The following PACRG variants were observed in gnomAD, a reference collection of about 807,000 sequenced individuals.
PACRG encodes parkin coregulated.
A neutral mutation model predicts 29.7 loss-of-function variants in PACRG; 29 were observed. The ratio of observed to expected loss-of-function variants is 0.98; its 90% CI spans 0.73 to 1.33. PACRG has a LOEUF of 1.33. Ranked by LOEUF, PACRG falls within the 40% of genes most tolerant of loss-of-function variation. The pLI is 0.00. For missense variants in PACRG, 279 were observed against 316.2 expected, an observed-to-expected ratio of 0.88 and a Z score of 0.89; for synonymous variants, 116 against 118.7, an observed-to-expected ratio of 0.98 and a Z score of 0.15.
intron 4 of PACRG, among the ~76,000 whole-genome samples, chr6:163,221,465 A>C (rs921038190): frequency 6.6e-6 from 1 of 152,186 alleles, no homozygotes; most frequent in African/African-American, 2.4e-5. Context: ...TTACTCTTTG[A>C]TTAATTTCAC....
chr6:163,254,040 C>T (rs749523547), intron 4 of PACRG, among the ~76,000 whole-genome samples: 2 of 152,028 alleles, frequency 1.3e-5, no homozygotes, highest in Admixed American at 6.5e-5. Flanking sequence ...AGGGCAGAAG[C>T]GGAGGGCCAG....
At chr6:162,761,986 CA>C (rs1243463652) in intron 1 of PACRG, among the ~76,000 whole-genome samples, 1 of 127,660 alleles carries the variant, frequency 7.8e-6, no homozygotes, top group Non-Finnish European at 1.6e-5. Context: ...CCCTGAGTGA[CA>C]CTAAATTTAC....
At chr6:162,896,248 G>T (rs1795155650) in intron 2 of PACRG, among the ~76,000 whole-genome samples, 1 of 152,328 alleles carries the variant, frequency 6.6e-6, no homozygotes, top group East Asian at 1.9e-4. Context: ...CTTCACTCCA[G>T]CACATTCTCC....
At chr6:163,256,792 T>C (rs1239433719) in intron 4 of PACRG, among the ~76,000 whole-genome samples, 1 of 152,178 alleles carries the variant, frequency 6.6e-6, no homozygotes, top group Admixed American at 6.5e-5. Flanking sequence ...CTGGGGATGC[T>C]GTAACTAATG....
intron 1 of PACRG, among the ~76,000 whole-genome samples, chr6:162,806,811 G>T (rs1430734368): frequency 6.6e-6 from 1 of 152,194 alleles, no homozygotes; most frequent in African/African-American, 2.4e-5. Context: ...CCTAACAAGA[G>T]AGTCAGCCTG....
intron 2 of PACRG, among the ~76,000 whole-genome samples, chr6:162,830,466 T>A (rs919496258): frequency 6.6e-6 from 1 of 152,226 alleles, no homozygotes; most frequent in Non-Finnish European, 1.5e-5. Flanking sequence ...CAACTTCCCC[T>A]CTTCAGGGCT....
intron 4 of PACRG, among the ~76,000 whole-genome samples, chr6:163,117,207 C>T (rs892400524): frequency 6.6e-6 from 1 of 152,200 alleles, no homozygotes; most frequent in Non-Finnish European, 1.5e-5. Context: ...GAAAGAGCAT[C>T]ACAGTGGAAC....
intron 2 of PACRG, among the ~76,000 whole-genome samples, chr6:162,878,130 T>C (rs1231845782): frequency 6.6e-6 from 1 of 152,162 alleles, no homozygotes; most frequent in Admixed American, 6.5e-5. Context: ...ATTAGGGGAA[T>C]TGGAATAATA....
intron 4 of PACRG, among the ~76,000 whole-genome samples, chr6:163,220,762 T>G (rs539919050): frequency 2.0e-5 from 3 of 152,350 alleles, no homozygotes; most frequent in African/African-American, 7.2e-5. Context: ...GTATATGGAA[T>G]GTCTAATCAT....
chr6:163,277,089 T>C (rs1784054927), intron 4 of PACRG, among the ~76,000 whole-genome samples: 1 of 152,194 alleles, frequency 6.6e-6, no homozygotes. Context: ...TCTTTCATCA[T>C]TTTATTTAAT....
At chr6:163,119,444 G>A (rs1018245370) in intron 4 of PACRG, among the ~76,000 whole-genome samples, 5 of 152,194 alleles carry the variant, frequency 3.3e-5, no homozygotes, top group African/African-American at 7.2e-5. Flanking sequence ...TTCCTGGCAC[G>A]ATGATCAAGT....
At chr6:162,768,636 T>C (rs1275854342) in intron 1 of PACRG, among the ~76,000 whole-genome samples, 1 of 152,134 alleles carries the variant, frequency 6.6e-6, no homozygotes, top group African/African-American at 2.4e-5. Context: ...TTCAGCTATA[T>C]TTTCTATATT....
Position 163,101,086 on chromosome 6 carries a change from T to TA in PACRG, c.613+11683dup, listed in dbSNP as rs1249832050. On this transcript the variant is annotated intron_variant, in intron 4 of 4. Transcript: ENST00000366888. The stretch of plus-strand genomic sequence containing the variant: ...TTTTGAGGCGGTCATACAATGAAAT[T>TA]AAAAATCATTCTCCATTCAGTGACT... The TA allele has an allele frequency of 3.1e-6, 3 of 981,166 alleles. No individual in the cohort carries two copies. In the African/African-American group the frequency reaches 5.3e-5, roughly 17 times the overall value. 60.8% of individuals were successfully genotyped at this position (981,166 alleles called of 1,614,324 possible).
At chr6:163,272,188 G>A (rs550471904) in intron 4 of PACRG, among the ~76,000 whole-genome samples, 8 of 152,026 alleles carry the variant, frequency 5.3e-5, no homozygotes, top group Admixed American at 2.0e-4. Context: ...ACAGGCATGC[G>A]CCACCATGCC....
At chr6:163,002,278 CT>C (rs1425009866) in intron 2 of PACRG, among the ~76,000 whole-genome samples, 4 of 152,166 alleles carry the variant, frequency 2.6e-5, no homozygotes, top group African/African-American at 9.7e-5. Context: ...TTCCAATTTG[CT>C]GACCATCACA....
intron 4 of PACRG, among the ~76,000 whole-genome samples, chr6:163,100,069 G>C (rs1814955709): frequency 6.6e-6 from 1 of 152,060 alleles, no homozygotes; most frequent in African/African-American, 2.4e-5. Context: ...GGGCGGGAGT[G>C]ACACAGGAGC....
chr6:162,891,894 A>G (rs1424469429), intron 2 of PACRG: 1 of 152,356 alleles, frequency 6.6e-6, no homozygotes, highest in African/African-American at 2.4e-5. Context: ...GCATTGCAGC[A>G]CATCCCCCAT....
intron 4 of PACRG, among the ~76,000 whole-genome samples, chr6:163,139,105 C>T (rs1817051495): frequency 6.6e-6 from 1 of 152,276 alleles, no homozygotes; most frequent in South Asian, 2.1e-4. Flanking sequence ...AGAAGCTCAA[C>T]ATCAGCTTCA....
chr6:163,071,503 T>C (rs1447129318), intron 3 of PACRG, among the ~76,000 whole-genome samples: 2 of 151,818 alleles, frequency 1.3e-5, no homozygotes, highest in Non-Finnish European at 2.9e-5. Context: ...TGGTAATGGA[T>C]ACACAACATG....
Sources: gnomAD v4.1 joint callset for allele counts (sites outside exome capture counted in the v4.1 genomes callset) on GRCh38, gnomAD v4.1.1 for gene constraint, MANE v1.5 for transcripts, NCBI Gene and HGNC (gene_info 2026-07-23, HGNC 2026-07-21) for gene names.